The following NRXN3 variants were observed in gnomAD, a reference collection of about 807,000 sequenced individuals.
NRXN3 encodes neurexin III.
A neutral mutation model predicts 137.6 loss-of-function variants in NRXN3; 32 were observed. The observed-to-expected ratio is 0.23, with a 90% CI of 0.18 to 0.31. NRXN3 has a LOEUF of 0.31. Among genes scored for constraint, NRXN3 ranks in the 10% least tolerant of loss-of-function variants. NRXN3 has a pLI of 1.00. For missense variants in NRXN3, 1,574 were observed against 2,062.5 expected (o/e 0.76, Z 4.59); for synonymous variants, 798 against 784.5 (o/e 1.02, Z -0.29).
chr14:79,446,363 T>C (rs2096063862), intron 15 of NRXN3, among the ~76,000 whole-genome samples: 1 of 152,212 alleles, frequency 6.6e-6, no homozygotes, highest in Non-Finnish European at 1.5e-5. Flanking sequence ...TTTCTGAAAG[T>C]CTTATCTCTG....
At chr14:79,500,276 A>G (rs1312017940) in intron 16 of NRXN3, among the ~76,000 whole-genome samples, 1 of 150,172 alleles carries the variant, frequency 6.7e-6, no homozygotes, top group Non-Finnish European at 1.5e-5. Flanking sequence ...AATGATACAG[A>G]GACTAATGAT....
chr14:78,191,658 A>T (rs1268939918), intron 1 of NRXN3, among the ~76,000 whole-genome samples: 15 of 152,310 alleles, frequency 9.8e-5, no homozygotes, highest in Middle Eastern at 3.4e-3. Context: ...CCTTCCAGAC[A>T]TGTCTAGGGC....
intron 20 of NRXN3, among the ~76,000 whole-genome samples, chr14:79,838,243 T>G (rs2099348450): frequency 6.6e-6 from 1 of 152,166 alleles, no homozygotes; most frequent in Non-Finnish European, 1.5e-5. Flanking sequence ...TGTTATTTTT[T>G]GGCTAACAGC....
chr14:79,549,712 C>T (rs930167795), intron 16 of NRXN3, among the ~76,000 whole-genome samples: 4 of 152,202 alleles, frequency 2.6e-5, no homozygotes, highest in Admixed American at 1.3e-4. Flanking sequence ...CCGGGGCCAG[C>T]ATTTACTGTT....
At chr14:78,816,273 A>G (rs887298738) in intron 10 of NRXN3, among the ~76,000 whole-genome samples, 1 of 152,172 alleles carries the variant, frequency 6.6e-6, no homozygotes, top group Admixed American at 6.5e-5. Flanking sequence ...CGTATTCCTC[A>G]AACTCCTTTT....
At chr14:79,450,428 A>G (rs1000161310) in intron 15 of NRXN3, among the ~76,000 whole-genome samples, 13 of 152,220 alleles carry the variant, frequency 8.5e-5, no homozygotes, top group Non-Finnish European at 1.8e-4. Context: ...ATAAATTTCA[A>G]AAGTTCTCAC....
At chr14:79,511,168 G>T (rs577152791) in intron 16 of NRXN3, among the ~76,000 whole-genome samples, 1 of 152,284 alleles carries the variant, frequency 6.6e-6, no homozygotes, top group African/African-American at 2.4e-5. Flanking sequence ...ACCTCCCTTG[G>T]CAGTCTGATC....
chr14:79,541,633 CTCAT>C (rs1789017404), intron 16 of NRXN3, among the ~76,000 whole-genome samples: 1 of 152,188 alleles, frequency 6.6e-6, no homozygotes, highest in Non-Finnish European at 1.5e-5. Context: ...CTCCCAGACA[CTCAT>C]GTACCTGACA....
At chr14:78,624,128 A>G (rs940030858) in intron 4 of NRXN3, among the ~76,000 whole-genome samples, 11 of 152,206 alleles carry the variant, frequency 7.2e-5, no homozygotes, top group African/African-American at 2.2e-4. Context: ...TTTGCTTTAC[A>G]TATATAGCTG....
chr14:78,518,840 T>G (rs2096248504), intron 4 of NRXN3, among the ~76,000 whole-genome samples: 1 of 152,060 alleles, frequency 6.6e-6, no homozygotes, highest in Non-Finnish European at 1.5e-5. Flanking sequence ...AAAGAACTAC[T>G]CGTTCTGGAG....
chr14:78,540,170 T>G (rs575098808), intron 4 of NRXN3, among the ~76,000 whole-genome samples: 1 of 152,314 alleles, frequency 6.6e-6, no homozygotes, highest in East Asian at 1.9e-4. Flanking sequence ...CTTGTTAATC[T>G]TCTGTCTTAT....
chr14:78,243,988 C>G lies in NRXN3; in HGVS notation c.709+186C>G, dbSNP rs1567062498. ...TAATGGAGAATCTGTCAGATCTCAG[C>G]AGGAGTAGAATCCTGACCCCTGAAC... On this transcript the variant is annotated intron_variant, in intron 2 of 20. Transcript: ENST00000335750. The surrounding 1 kb of genome is among the most constrained non-coding windows in gnomAD (Gnocchi z 4.2). 6.6e-6 allele frequency among the ~76,000 whole-genome samples: 1 copy of G among 152,110 alleles called. No individual in the cohort carries two copies. The highest frequency in any genetic ancestry group is 1.5e-5 in the Non-Finnish European group (1 of 68,022).
intron 3 of NRXN3, among the ~76,000 whole-genome samples, chr14:78,292,654 A>G (rs1484046632): frequency 6.6e-6 from 1 of 152,206 alleles, no homozygotes; most frequent in Non-Finnish European, 1.5e-5. Flanking sequence ...GACATTGGCA[A>G]TTCTTAATTT....
intron 4 of NRXN3, among the ~76,000 whole-genome samples, chr14:78,309,711 C>T (rs536060342): frequency 3.9e-5 from 6 of 152,110 alleles, no homozygotes; most frequent in East Asian, 1.9e-4. Flanking sequence ...TGACATGAAA[C>T]GCTTTTTTAT....
At chr14:79,083,102 CATTT>C (rs2047382768) in intron 15 of NRXN3, among the ~76,000 whole-genome samples, 1 of 152,146 alleles carries the variant, frequency 6.6e-6, no homozygotes, top group Admixed American at 6.5e-5. Flanking sequence ...GACAAATTCC[CATTT>C]ATTTTCCATC....
At chr14:78,456,853 CTTTT>C (rs71131649) in intron 4 of NRXN3, among the ~76,000 whole-genome samples, 26 of 128,908 alleles carry the variant, frequency 2.0e-4, no homozygotes, top group Non-Finnish European at 3.8e-4. Context: ...TTCTTTCTTT[CTTTT>C]TCTCTTTCTT....
At chr14:79,645,836 C>G (rs969900745) in intron 16 of NRXN3, among the ~76,000 whole-genome samples, 1 of 134,928 alleles carries the variant, frequency 7.4e-6, no homozygotes, top group Non-Finnish European at 1.7e-5. Context: ...TTGAAACTTG[C>G]CCTTTTGGCA....
At chr14:78,339,604 C>T (rs2081930242) in intron 4 of NRXN3, among the ~76,000 whole-genome samples, 1 of 152,108 alleles carries the variant, frequency 6.6e-6, no homozygotes, top group Non-Finnish European at 1.5e-5. Context: ...AATCCAACTG[C>T]TTGAGTCAAG....
intron 15 of NRXN3, among the ~76,000 whole-genome samples, chr14:79,363,560 A>G (rs1440718472): frequency 1.3e-5 from 2 of 151,600 alleles, no homozygotes; most frequent in Non-Finnish European, 2.9e-5. Flanking sequence ...ACTATCTTAA[A>G]TGGTATCTGG....
Sources: allele counts gnomAD v4.1 joint callset (sites outside exome capture counted in the v4.1 genomes callset), GRCh38; gene constraint gnomAD v4.1.1; non-coding constraint Gnocchi (gnomAD v3.1); transcripts MANE v1.5; gene names NCBI Gene and HGNC (gene_info 2026-07-23, HGNC 2026-07-21).